MCCC1: variants seen among roughly 807,000 people sequenced by gnomAD.
The protein encoded by MCCC1 is methylcrotonyl-CoA carboxylase subunit 1, also known as methylcrotonoyl-CoA carboxylase subunit alpha, mitochondrial.
In MCCC1, 64 loss-of-function variants were observed where a neutral mutation model predicts 83.8. The observed-to-expected ratio is 0.76, with a 90% CI of 0.62 to 0.94. MCCC1 has a LOEUF of 0.94. MCCC1 is among the 40% of genes least tolerant of loss of function. The pLI is 0.00. For synonymous variants in MCCC1, 322 were observed against 315.4 expected, an observed-to-expected ratio of 1.02 and a Z score of -0.22; for missense variants, 807 against 904.7, an observed-to-expected ratio of 0.89 and a Z score of 1.39.
chr3:183,110,048 T>C (rs1255173197), intron 1 of MCCC1, among the ~76,000 whole-genome samples: 1 of 152,228 alleles, frequency 6.6e-6, no homozygotes, highest in East Asian at 1.9e-4. Context: ...TGCATGTATG[T>C]CCTCTTTTGA....
intron 8 of MCCC1, among the ~76,000 whole-genome samples, chr3:183,055,248 G>GAA (rs138574888): frequency 7.0e-6 from 1 of 142,504 alleles, no homozygotes. Flanking sequence ...CTAAAAAATA[G>GAA]AAAAAAAAAA....
rs78878623 is a variant in MCCC1 at position 183,055,030 on chromosome 3, G to A, written c.873+2281C>T. Among the ~76,000 whole-genome samples, 1,016 of 152,166 alleles carry A rather than the reference G, an allele frequency of 6.7e-3. 9 individuals carry two copies. The highest frequency in any genetic ancestry group is 0.023 in the African/African-American group (943 of 41,514). The stretch of plus-strand genomic sequence containing the variant: ...CACAATTACAAAATCAACTAAGGAC[G>A]CATTTCTCAGAATGTATTCCTATTG... On this transcript the variant is annotated intron_variant, in intron 8 of 18. Transcript: ENST00000265594.
At chr3:183,031,963 C>T (rs999236747) in intron 14 of MCCC1, among the ~76,000 whole-genome samples, 1 of 152,100 alleles carries the variant, frequency 6.6e-6, no homozygotes, top group Non-Finnish European at 1.5e-5. Context: ...GCCACTGTGA[C>T]CAGCCTGGTC....
chr3:183,079,053 G>T (rs976929781), intron 4 of MCCC1, among the ~76,000 whole-genome samples: 11 of 152,160 alleles, frequency 7.2e-5, no homozygotes, highest in African/African-American at 2.7e-4. Context: ...TTCCTCCCAC[G>T]ATACATGAGA....
At chr3:183,043,983 T>G (rs1434183463) in intron 10 of MCCC1, among the ~76,000 whole-genome samples, 2 of 152,196 alleles carry the variant, frequency 1.3e-5, no homozygotes, top group Non-Finnish European at 1.5e-5. Flanking sequence ...ACCAGCTTGC[T>G]GTGCCTGGTT....
chr3:183,032,930 A>G (rs987298702), intron 14 of MCCC1, among the ~76,000 whole-genome samples: 26 of 152,152 alleles, frequency 1.7e-4, no homozygotes, highest in Non-Finnish European at 3.7e-4. Context: ...AGGTGAAGTA[A>G]AAGAGATTTT....
upstream of MCCC1, among the ~76,000 whole-genome samples, chr3:183,103,273 T>C (rs556688177): frequency 8.5e-5 from 13 of 152,108 alleles, no homozygotes; most frequent in African/African-American, 2.6e-4. Flanking sequence ...TTCCACAGTG[T>C]GGAAGCAGAC....
At chr3:183,024,740 G>C (rs1400288026) in intron 15 of MCCC1, among the ~76,000 whole-genome samples, 1 of 152,116 alleles carries the variant, frequency 6.6e-6, no homozygotes, top group Non-Finnish European at 1.5e-5. Context: ...CAGTATGGCG[G>C]TTTTTCAAAG....
At chr3:183,089,877 C>G (rs182223463) in intron 3 of MCCC1, among the ~76,000 whole-genome samples, 1 of 152,170 alleles carries the variant, frequency 6.6e-6, no homozygotes, top group East Asian at 1.9e-4. Flanking sequence ...GGTGAAAGGT[C>G]ATGAGTTCAA....
intron 2 of MCCC1, among the ~76,000 whole-genome samples, chr3:183,093,274 A>G (rs910673463): frequency 7.2e-5 from 11 of 152,214 alleles, no homozygotes; most frequent in African/African-American, 1.2e-4. Context: ...AATTTTCACA[A>G]TAATCCTAAT....
chr3:183,031,808 CTT>C (rs36037059), intron 14 of MCCC1, among the ~76,000 whole-genome samples: 340 of 140,462 alleles, frequency 2.4e-3, no homozygotes, highest in East Asian at 0.014. Context: ...CTTCTGGTAT[CTT>C]TTTTTTTTTT....
In MCCC1 at chr3:183,094,110, G is replaced by A. The variant is rs538312152; in HGVS notation, c.136+449C>T. ...GTCGCCCAGGCTGGAGTGCAGTGGC[G>A]AGATCTTGGCTCATTGCAACCTGCG... On this transcript the variant is annotated intron_variant, in intron 2 of 18. Transcript: ENST00000265594. Among the ~76,000 whole-genome samples, 29 of 149,106 alleles carry A rather than the reference G, an allele frequency of 1.9e-4. 1 individual carries two copies. The highest frequency in any genetic ancestry group is 6.7e-4 in the African/African-American group (27 of 40,410).
In MCCC1 at chr3:183,092,509, CCT is replaced by C. The variant is rs1311374961; in HGVS notation, c.171_172del (p.Gly58ArgfsTer22). ...GCGCATCACCCTGCAGGCAATTTCTCCTCTGTTTGCAATGAGGACCTTGGTAA... is the reference window on the plus strand; with the variant it reads ...GCGCATCACCCTGCAGGCAATTTCTCCTGTTTGCAATGAGGACCTTGGTAA... On this transcript the variant is annotated frameshift_variant, in exon 3 of 19. Transcript: ENST00000265594. LOFTEE classifies it high-confidence loss of function. 6.2e-6 allele frequency: 10 copies of C among 1,614,090 alleles called. No homozygotes were observed. Among genetic ancestry groups the C allele is most frequent in the Non-Finnish European group, 8.5e-6 (10 of 1,180,040 alleles).
chr3:183,087,641 G>T lies in MCCC1; in HGVS notation c.274-853C>A, dbSNP rs1717988303. On this transcript the variant is annotated intron_variant, in intron 3 of 18. Coordinates refer to ENST00000265594, the MANE Select transcript of MCCC1 (RefSeq NM_020166.5). The stretch of plus-strand genomic sequence containing the variant: ...CTGTAATCCCAGCAAGGCCAAGGCG[G>T]GCGGATCATGAGGTCAGGAGATTGA... Among the ~76,000 whole-genome samples, 3 of 152,182 alleles carry T rather than the reference G, an allele frequency of 2.0e-5. No homozygotes were observed. In the South Asian group the frequency reaches 6.2e-4, roughly 32 times the overall value.
upstream of MCCC1, among the ~76,000 whole-genome samples, chr3:183,099,742 C>G (rs777403454): frequency 1.3e-5 from 2 of 152,226 alleles, no homozygotes; most frequent in African/African-American, 2.4e-5. Context: ...CATCCTCCCC[C>G]TCTTGGTTGC....
chr3:183,101,834 T>G (rs924301303), upstream of MCCC1, among the ~76,000 whole-genome samples: 5 of 152,176 alleles, frequency 3.3e-5, no homozygotes, highest in African/African-American at 1.2e-4. Context: ...GCTTCACTCC[T>G]GAGCCCAGCG....
intron 10 of MCCC1, 44 bp downstream of exon 10, chr3:183,045,369 C>G (rs767827009): frequency 3.1e-6 from 5 of 1,609,888 alleles, no homozygotes; most frequent in South Asian, 1.1e-5. Flanking sequence ...CTTGAGCCAC[C>G]GCACCCAGCC....
intron 4 of MCCC1, among the ~76,000 whole-genome samples, chr3:183,079,243 C>T (rs144230741): frequency 0.011 from 1,701 of 152,314 alleles, 35 homozygotes; most frequent in African/African-American, 0.039. Flanking sequence ...CACAGTCCAA[C>T]ATCTCGTCTG....
chr3:183,092,614 A>G (rs1466160561), intron 2 of MCCC1, 69 bp from the exon 3 acceptor site: 1 of 1,595,634 alleles, frequency 6.3e-7, no homozygotes, highest in Non-Finnish European at 8.6e-7. Flanking sequence ...TGAGAATACG[A>G]TCTTAACTGG....
Sources: allele counts gnomAD v4.1 joint callset (sites outside exome capture counted in the v4.1 genomes callset), GRCh38; gene constraint gnomAD v4.1.1; transcripts MANE v1.5; gene names NCBI Gene and HGNC (gene_info 2026-07-23, HGNC 2026-07-21).